Variants in UVRAG observed in about 807,000 individuals in gnomAD.
UVRAG encodes UV radiation resistance associated, also known as UV radiation resistance-associated gene protein.
UVRAG carries 19 observed loss-of-function variants against 78.0 expected under a neutral mutation model. That is an observed-to-expected ratio of 0.24 (90% CI 0.17 to 0.36). UVRAG has a LOEUF of 0.36. Among genes scored for constraint, UVRAG ranks in the 10% least tolerant of loss-of-function variants. The pLI is 1.00. For synonymous variants in UVRAG, 323 were observed against 324.6 expected (o/e 1.00, Z 0.05); for missense variants, 740 against 853.8 (o/e 0.87, Z 1.66).
intron 1 of UVRAG, among the ~76,000 whole-genome samples, chr11:75,851,192 A>G (rs1040248401): frequency 6.6e-6 from 1 of 152,084 alleles, no homozygotes; most frequent in African/African-American, 2.4e-5. Context: ...CTTATTTTGT[A>G]TTTTTGTTGA....
rs746814936 is a variant in UVRAG, at chr11:76,141,142, G to C, written c.1829G>C (p.Ser610Thr). 2 of 1,614,188 alleles carry C rather than the reference G, an allele frequency of 1.2e-6. No individual in the cohort carries two copies. The highest frequency in any genetic ancestry group is 1.7e-6 in the Non-Finnish European group (2 of 1,180,050). Residue 610 changes from serine to threonine, a missense_variant, in exon 15 of 15, where the codon AGT becomes ACT. Ser to Thr is a moderately conservative substitution (Grantham distance 58). Transcript: ENST00000356136. ...CCCAGCGAGCAGGCCGGGTCCGCCA[G>C]TGTCCAGCTTCCAGGCGAGTTCCAC... Reference protein sequence around the residue: ...LLPSEQAGSASVQLPGEFHPV... With the variant: ...LLPSEQAGSATVQLPGEFHPV...
At chr11:75,973,649 C>T (rs890212688) in intron 7 of UVRAG, among the ~76,000 whole-genome samples, 1 of 152,044 alleles carries the variant, frequency 6.6e-6, no homozygotes, top group African/African-American at 2.4e-5. Flanking sequence ...TGTTGGTGTG[C>T]TGCACCCATT....
At chr11:76,034,674 T>G (rs1950498817) in intron 12 of UVRAG, among the ~76,000 whole-genome samples, 1 of 152,196 alleles carries the variant, frequency 6.6e-6, no homozygotes, top group Non-Finnish European at 1.5e-5. Context: ...TGGTTTTAAT[T>G]TTATAGTAGC....
At chr11:75,947,426 T>G (rs1017392980) in intron 6 of UVRAG, among the ~76,000 whole-genome samples, 16 of 152,002 alleles carry the variant, frequency 1.1e-4, no homozygotes, top group Non-Finnish European at 2.4e-4. Context: ...CCAAAGATAG[T>G]GGGATAAAAT....
At chr11:76,099,766 A>G (rs61894374) in intron 13 of UVRAG, among the ~76,000 whole-genome samples, 15 of 151,988 alleles carry the variant, frequency 9.9e-5, no homozygotes, top group Non-Finnish European at 2.2e-4. Context: ...ATTCATTGTT[A>G]TTTATATAAA....
intron 7 of UVRAG, among the ~76,000 whole-genome samples, chr11:75,965,215 C>T (rs149379361): frequency 2.6e-5 from 4 of 152,284 alleles, no homozygotes; most frequent in East Asian, 1.9e-4. Context: ...TCCTTCAATC[C>T]GTGAACATGG....
intron 12 of UVRAG, among the ~76,000 whole-genome samples, chr11:76,062,750 T>A (rs1234663723): frequency 1.3e-5 from 2 of 152,222 alleles, no homozygotes; most frequent in Non-Finnish European, 2.9e-5. Context: ...GCCAAATCAG[T>A]TTATTTTAAA....
At chr11:75,924,590 G>A (rs1259455748) in intron 6 of UVRAG, among the ~76,000 whole-genome samples, 8 of 151,772 alleles carry the variant, frequency 5.3e-5, no homozygotes, top group Admixed American at 1.3e-4. Flanking sequence ...GGGTTTCACC[G>A]TGTTAGCCAG....
rs982043671 is a variant in UVRAG, at chr11:75,879,161, CAGAGT to C, written c.271-716_271-712del. 2.0e-4 allele frequency among the ~76,000 whole-genome samples: 31 copies of C among 152,262 alleles called. 2 individuals carry two copies. In the Middle Eastern group the frequency reaches 0.014, roughly 67 times the overall value. ...ACATTTCAATGGCCCCACTGTTGTA[CAGAGT>C]AAAGTATTCCCTCCTAGCAAAAGGC... On this transcript the variant is annotated intron_variant, in intron 3 of 14. Transcript: ENST00000356136.
chr11:76,080,923 G>T (rs1208078114), intron 13 of UVRAG, among the ~76,000 whole-genome samples: 1 of 152,162 alleles, frequency 6.6e-6, no homozygotes, highest in African/African-American at 2.4e-5. Flanking sequence ...CTGTGGCCTT[G>T]TGAGTTTCTA....
chr11:76,110,211 C>CATATATATATATATATATATAT (rs10526191), intron 13 of UVRAG, among the ~76,000 whole-genome samples: 1,491 of 136,328 alleles, frequency 0.011, 55 homozygotes, highest in African/African-American at 0.039. Context: ...ATATCTGGTA[C>CATATATATATATATATATATAT]ATATATATAT....
At chr11:75,826,538 G>A (rs923334563) in intron 1 of UVRAG, among the ~76,000 whole-genome samples, 14 of 152,284 alleles carry the variant, frequency 9.2e-5, no homozygotes, top group African/African-American at 3.4e-4. Context: ...TGGAGGAGAG[G>A]CTGTATTTTA....
At chr11:75,984,352 A>G (rs776707349) in intron 8 of UVRAG, among the ~76,000 whole-genome samples, 28 of 152,228 alleles carry the variant, frequency 1.8e-4, no homozygotes, top group Non-Finnish European at 2.5e-4. Flanking sequence ...ACGGTATTCA[A>G]TGCTGTGTTA....
At chr11:75,861,896 C>T (rs1377997806) in intron 3 of UVRAG, 116 bp downstream of exon 3, 3 of 812,286 alleles carry the variant, frequency 3.7e-6, no homozygotes, top group African/African-American at 3.4e-5. Flanking sequence ...TTTAACGGAT[C>T]TGCTCAATTG....
intron 5 of UVRAG, among the ~76,000 whole-genome samples, chr11:75,909,924 T>TG (rs1447102236): frequency 6.6e-6 from 1 of 152,222 alleles, no homozygotes; most frequent in Non-Finnish European, 1.5e-5. Context: ...AGTTGGAAAT[T>TG]GTTCCCTTCT....
At chr11:75,959,498 C>T (rs1948870088) in intron 6 of UVRAG, among the ~76,000 whole-genome samples, 1 of 152,192 alleles carries the variant, frequency 6.6e-6, no homozygotes, top group Non-Finnish European at 1.5e-5. Context: ...CTCTCTCAGC[C>T]TTCAAAGATT....
At chr11:75,884,390 G>C (rs1050694066) in intron 4 of UVRAG, among the ~76,000 whole-genome samples, 12 of 152,094 alleles carry the variant, frequency 7.9e-5, no homozygotes, top group Admixed American at 2.6e-4. Context: ...CTGCCAGTTT[G>C]TGGCTTGTCT....
In UVRAG at chr11:76,140,766, T is replaced by C; in HGVS notation, c.1453T>C (p.Phe485Leu). Residue 485 changes from phenylalanine to leucine, a missense_variant, in exon 15 of 15, where the codon TTT (phenylalanine) becomes CTT (leucine). Transcript: ENST00000356136. ...IPVPKRQSSI[F>L]GGADVGFSGG... ...TGTTCCTAAGAGACAAAGCTCCATA[T>C]TTGGGGGTGCAGATGTAGGCTTCTC... 6.2e-7 allele frequency: 1 copy of C among 1,612,878 alleles called. No homozygotes were observed. The highest frequency in any genetic ancestry group is 1.7e-5 in the Admixed American group (1 of 59,836).
intron 12 of UVRAG, among the ~76,000 whole-genome samples, chr11:76,036,782 G>C (rs555500682): frequency 3.7e-4 from 56 of 151,508 alleles, no homozygotes; most frequent in Non-Finnish European, 7.1e-4. Flanking sequence ...GGAGACACAT[G>C]TGCCACACAG....
Sources: gnomAD v4.1 joint callset for allele counts (sites outside exome capture counted in the v4.1 genomes callset) on GRCh38, gnomAD v4.1.1 for gene constraint, MANE v1.5 for transcripts, NCBI Gene and HGNC (gene_info 2026-07-23, HGNC 2026-07-21) for gene names.